TTC39C: variants seen among roughly 807,000 people sequenced by gnomAD.
The protein encoded by TTC39C is tetratricopeptide repeat domain 39C.
TTC39C carries 33 observed loss-of-function variants against 76.3 expected under a neutral mutation model. The ratio of observed to expected loss-of-function variants is 0.43; its 90% CI spans 0.33 to 0.58. The LOEUF is 0.58. Ranked by LOEUF, TTC39C falls within the 20% of genes least tolerant of loss-of-function variation. TTC39C has a pLI of 0.04. For synonymous variants in TTC39C, 254 were observed against 260.6 expected (o/e 0.97, Z 0.24); for missense variants, 595 against 701.4 (o/e 0.85, Z 1.71).
At chr18:24,072,034 A>G (rs532162292) in intron 4 of TTC39C, among the ~76,000 whole-genome samples, 1 of 152,126 alleles carries the variant, frequency 6.6e-6, no homozygotes, top group Admixed American at 6.5e-5. Flanking sequence ...AATGTGCTCT[A>G]TTTGCCTTTG....
intron 1 of TTC39C, among the ~76,000 whole-genome samples, chr18:24,022,068 A>G (rs540045125): frequency 1.7e-4 from 26 of 152,326 alleles, no homozygotes; most frequent in African/African-American, 5.8e-4. Context: ...GTGTACGTCA[A>G]TGTAAACACA....
At chr18:24,078,918 A>G (rs1006834858) in intron 4 of TTC39C, among the ~76,000 whole-genome samples, 17 of 152,260 alleles carry the variant, frequency 1.1e-4, no homozygotes, top group African/African-American at 3.9e-4. Context: ...TAGCAGTTCT[A>G]TTGAAGGATA....
chr18:24,113,875 TG>T, intron 6 of TTC39C: 1 of 565,184 alleles, frequency 1.8e-6, no homozygotes, highest in Non-Finnish European at 3.2e-6. Flanking sequence ...CAGTGTTATG[TG>T]AATGAAAGTG....
chr18:24,035,602 T>A (rs1012253965), intron 1 of TTC39C, among the ~76,000 whole-genome samples: 11 of 152,220 alleles, frequency 7.2e-5, no homozygotes, highest in East Asian at 5.8e-4. Context: ...TTCAAGTCCT[T>A]TGCCCATTTT....
intron 1 of TTC39C, among the ~76,000 whole-genome samples, chr18:24,002,381 A>G (rs2083320178): frequency 6.6e-6 from 1 of 152,176 alleles, no homozygotes; most frequent in Admixed American, 6.5e-5. Flanking sequence ...TAAAGACTCT[A>G]ACTTGATGAG....
intron 1 of TTC39C, chr18:23,993,043 G>C (rs890024191): frequency 2.0e-5 from 3 of 152,228 alleles, no homozygotes; most frequent in Admixed American, 6.5e-5. Flanking sequence ...TTTGTGGTAA[G>C]TGGCTTAATG....
intron 1 of TTC39C, among the ~76,000 whole-genome samples, chr18:24,008,291 A>G (rs1432273430): frequency 6.6e-6 from 1 of 152,218 alleles, no homozygotes; most frequent in Non-Finnish European, 1.5e-5. Context: ...GCAAATGCCA[A>G]TACTGCTGCT....
At chr18:24,099,370 A>G (rs1020250140) in intron 6 of TTC39C, 3 of 151,798 alleles carry the variant, frequency 2.0e-5, no homozygotes, top group Admixed American at 2.0e-4. Context: ...ATGAGGGCAC[A>G]AATTGCATTC....
chr18:24,023,335 C>G (rs1245340228), intron 1 of TTC39C, among the ~76,000 whole-genome samples: 2 of 152,170 alleles, frequency 1.3e-5, no homozygotes, highest in Non-Finnish European at 2.9e-5. Context: ...CCAGGCTGCC[C>G]TGTGCTGAGT....
upstream of TTC39C, among the ~76,000 whole-genome samples, chr18:24,011,833 C>A (rs2083395767): frequency 6.6e-6 from 1 of 152,178 alleles, no homozygotes; most frequent in Non-Finnish European, 1.5e-5. Flanking sequence ...TGTCTCTCAA[C>A]TTCCAAAGGA....
chr18:24,132,528 G>T lies in TTC39C; in HGVS notation c.1706G>T (p.Arg569Leu), dbSNP rs147210803. 7 of 1,613,948 alleles carry T rather than the reference G, an allele frequency of 4.3e-6. No homozygotes were observed. The highest frequency in any genetic ancestry group is 5.9e-6 in the Non-Finnish European group (7 of 1,179,932). The stretch of plus-strand genomic sequence containing the variant: ...GACTTTGAAAACAGATTGCATGTCC[G>T]CATCCATGCTGCTCTGGCCTCTCTG... ...GYDFENRLHV[R>L]IHAALASLRE... The change falls in exon 14 of 14, where the codon CGC (arginine) becomes CTC (leucine). Residue 569 changes from arginine (R) to leucine (L), a missense_variant. Physicochemically the swap from Arg to Leu is moderately radical, Grantham distance 102. Coordinates refer to ENST00000317571, the MANE Select transcript of TTC39C (RefSeq NM_001135993.2).
chr18:24,114,271 C>A (rs752776377), intron 6 of TTC39C: 22 of 317,936 alleles, frequency 6.9e-5, no homozygotes, highest in Non-Finnish European at 1.1e-4. Flanking sequence ...TGGGTGTGAG[C>A]TGAGCCCTTA....
chr18:24,060,097 C>T (rs1226328984), intron 1 of TTC39C, among the ~76,000 whole-genome samples: 1 of 152,156 alleles, frequency 6.6e-6, no homozygotes, highest in African/African-American at 2.4e-5. Flanking sequence ...GGGACACAGC[C>T]AAACCATATC....
At chr18:24,065,357 C>T (rs1221108253) in intron 2 of TTC39C, among the ~76,000 whole-genome samples, 1 of 152,160 alleles carries the variant, frequency 6.6e-6, no homozygotes, top group Non-Finnish European at 1.5e-5. Flanking sequence ...CCCTGTAAGC[C>T]CATTCATCTC....
chr18:24,068,563 C>T (rs2084197336), intron 3 of TTC39C, among the ~76,000 whole-genome samples: 2 of 152,140 alleles, frequency 1.3e-5, no homozygotes, highest in South Asian at 4.1e-4. Flanking sequence ...TAAAGACCAA[C>T]ATTTTATAAA....
At chr18:24,118,676 T>A (rs1216348361) in intron 8 of TTC39C, among the ~76,000 whole-genome samples, 6 of 150,588 alleles carry the variant, frequency 4.0e-5, no homozygotes, top group Non-Finnish European at 5.9e-5. Flanking sequence ...TTTTTGAGTC[T>A]GGGTCTTGCT....
chr18:24,051,551 A>G (rs1226135549), intron 1 of TTC39C, among the ~76,000 whole-genome samples: 1 of 152,176 alleles, frequency 6.6e-6, no homozygotes, highest in East Asian at 1.9e-4. Flanking sequence ...AGAAGACTGG[A>G]CCTATTCCAA....
chr18:24,063,614 G>A (rs2084128304), intron 1 of TTC39C, among the ~76,000 whole-genome samples: 2 of 149,522 alleles, frequency 1.3e-5, no homozygotes, highest in Admixed American at 1.4e-4. Flanking sequence ...TTGGATTCAC[G>A]CAATTGTCCC....
intron 1 of TTC39C, among the ~76,000 whole-genome samples, chr18:24,047,337 C>T (rs2145704536): frequency 6.6e-6 from 1 of 152,082 alleles, no homozygotes; most frequent in African/African-American, 2.4e-5. Context: ...AAGTGATCCA[C>T]CCGCCTCAGC....
Sources: gnomAD v4.1 joint callset for allele counts (sites outside exome capture counted in the v4.1 genomes callset) on GRCh38, gnomAD v4.1.1 for gene constraint, MANE v1.5 for transcripts, NCBI Gene and HGNC (gene_info 2026-07-23, HGNC 2026-07-21) for gene names.